Variants in NLE1 observed in about 807,000 individuals in gnomAD.
NLE1 encodes notchless homolog 1.
Under a neutral mutation model 62.8 loss-of-function variants are expected in NLE1, and 37 were observed. The ratio of observed to expected loss-of-function variants is 0.59; its 90% CI spans 0.45 to 0.78. The LOEUF is 0.78. Among genes scored for constraint, NLE1 ranks in the 30% least tolerant of loss-of-function variants. The pLI is 0.00. For synonymous variants in NLE1, 243 were observed against 253.0 expected (o/e 0.96, Z 0.37); for missense variants, 555 against 637.9 (o/e 0.87, Z 1.40).
intron 3 of NLE1, 155 bp downstream of exon 3, chr17:35,139,694 T>G: frequency 9.5e-7 from 1 of 1,055,086 alleles, no homozygotes; most frequent in Non-Finnish European, 1.3e-6. Context: ...CATGCCCTAC[T>G]GAGGAAGTCC....
At chr17:35,141,816 C>G (rs2091945966) in intron 2 of NLE1, among the ~76,000 whole-genome samples, 163 bp downstream of exon 2, 1 of 152,220 alleles carries the variant, frequency 6.6e-6, no homozygotes, top group Non-Finnish European at 1.5e-5. Flanking sequence ...GTGTAAAGCG[C>G]TATGCCACTG....
At chr17:35,134,449 G>T (rs1476630746) in intron 10 of NLE1, among the ~76,000 whole-genome samples, 1 of 151,974 alleles carries the variant, frequency 6.6e-6, no homozygotes, top group East Asian at 1.9e-4. Flanking sequence ...GCCCAGGCTG[G>T]AGTACAGTGG....
intron 3 of NLE1, 159 bp downstream of exon 3, chr17:35,139,690 C>T: frequency 2.0e-6 from 2 of 1,006,020 alleles, no homozygotes; most frequent in South Asian, 1.7e-5. Context: ...GGACCATGCC[C>T]TACTGAGGAA....
At chr17:35,138,629 AGAT>A (rs2091924326) in intron 4 of NLE1, among the ~76,000 whole-genome samples, 1 of 152,126 alleles carries the variant, frequency 6.6e-6, no homozygotes, top group African/African-American at 2.4e-5. Context: ...GTTTTAGTAG[AGAT>A]GGGGTTTCAC....
chr17:35,135,059 T>C (rs1444742043), intron 10 of NLE1, 190 bp downstream of exon 10: 2 of 685,634 alleles, frequency 2.9e-6, no homozygotes, highest in Non-Finnish European at 5.3e-6. Context: ...GAAAGTCATC[T>C]CTAAAAACAA....
rs200971445 is a variant in NLE1 at position 35,129,660 on chromosome 17, T to G, written c.*2777A>C. 1 of 1,613,034 alleles carries G rather than the reference T, an allele frequency of 6.2e-7. No homozygotes were observed. The highest frequency in any genetic ancestry group is 1.1e-5 in the South Asian group (1 of 90,962). On this transcript the variant is annotated 3_prime_UTR_variant, in exon 13 of 13. Coordinates refer to ENST00000442241, the MANE Select transcript of NLE1 (RefSeq NM_018096.5). ...GGGAAGTGGTGCAAGCCCTACAAAG[T>G]GAGCCCTGGGAAAAGAGGGGCCTTG...
At chr17:35,136,910 C>A (rs753248762) in intron 7 of NLE1, 91 bp downstream of exon 7, 4 of 1,227,696 alleles carry the variant, frequency 3.3e-6, no homozygotes, top group Non-Finnish European at 4.6e-6. Context: ...CTGGGAAACA[C>A]TGGACTCGCT....
intron 2 of NLE1, among the ~76,000 whole-genome samples, chr17:35,140,449 A>G (rs1027152910): frequency 6.6e-6 from 1 of 151,656 alleles, no homozygotes; most frequent in Non-Finnish European, 1.5e-5. Flanking sequence ...GGCTGGTCTC[A>G]AGCTCCTGAC....
In NLE1 at chr17:35,132,404, C is replaced by A. The variant is rs538036707; in HGVS notation, c.*33G>T. ...GGAAGGCAGCTGGCAGAGGCCGAGT[C>A]GAGGTGGGGGTCAGAGAGAACTTCG... On this transcript the variant is annotated 3_prime_UTR_variant, in exon 13 of 13. Coordinates refer to ENST00000442241, the MANE Select transcript of NLE1 (RefSeq NM_018096.5). 1.5e-5 allele frequency: 22 copies of A among 1,442,110 alleles called. No individual in the cohort carries two copies. Among genetic ancestry groups the A allele is most frequent in the Admixed American group, 1.1e-4 (4 of 37,824 alleles). The allele number at this position is 1,442,110 out of a possible 1,614,324, so 89.3% of individuals were successfully genotyped here. A position where few individuals can be genotyped will look rare whatever the true frequency, so the allele number is the denominator to read the frequency against.
Position 35,136,369 on chromosome 17 carries a change from T to C in NLE1, c.957A>G (p.Gln319=). 1 of 1,613,236 alleles carries C rather than the reference T, an allele frequency of 6.2e-7. No individual in the cohort carries two copies. The highest frequency in any genetic ancestry group is 8.5e-7 in the Non-Finnish European group (1 of 1,179,248). The change falls in exon 8 of 13, where the codon CAA becomes CAG. Residue 319 remains glutamine (Q), a synonymous_variant. Coordinates refer to ENST00000442241, the MANE Select transcript of NLE1 (RefSeq NM_018096.5). ...CTTCTCCCAATCACTCACAGGATCCTTGGAGGTCTTGGGGATTAACTGAGG... is the reference window on the plus strand; with the variant it reads ...CTTCTCCCAATCACTCACAGGATCCCTGGAGGTCTTGGGGATTAACTGAGG... ...AEASVNPQDL[Q]GSLQELKERA...
intron 4 of NLE1, 89 bp downstream of exon 4, chr17:35,139,146 C>T: frequency 8.8e-7 from 1 of 1,132,732 alleles, no homozygotes; most frequent in South Asian, 1.3e-5. Flanking sequence ...TGAGCTGTGA[C>T]TGCACCACTG....
At position 35,137,208 on chromosome 17, in the gene NLE1, G is replaced by A. The variant is rs1408907001; in HGVS notation, c.636-15C>T. 1 of 1,592,858 alleles carries A rather than the reference G, an allele frequency of 6.3e-7. No homozygotes were observed. The highest frequency in any genetic ancestry group is 1.7e-5 in the Admixed American group (1 of 58,862). On this transcript the variant is annotated splice_polypyrimidine_tract_variant and intron_variant, in intron 6 of 12. Transcript: ENST00000442241. ...ACTCAGGGTTCCTGGAGAGAAGGGAGATGTGACCTCATCTGTGACCTGGCA... is the reference window on the plus strand; with the variant it reads ...ACTCAGGGTTCCTGGAGAGAAGGGAAATGTGACCTCATCTGTGACCTGGCA...
At position 35,142,260 on chromosome 17, in the gene NLE1, G is replaced by T; in HGVS notation, c.16C>A (p.Pro6Thr). The change falls in exon 1 of 13, where the codon CCG becomes ACG. Residue 6 changes from proline (P) to threonine (T), a missense_variant and splice_region_variant. Coordinates refer to ENST00000442241, the MANE Select transcript of NLE1 (RefSeq NM_018096.5). ...CGCCCCCATCCACGCACACCCACCGGCACTGCTGCCGCCATCCTGCGTCCC... is the reference window on the plus strand; with the variant it reads ...CGCCCCCATCCACGCACACCCACCGTCACTGCTGCCGCCATCCTGCGTCCC... MAAAV[P>T]DEAVARDVQR... The T allele has an allele frequency of 6.5e-7, 1 of 1,545,704 alleles. No homozygotes were observed. Among genetic ancestry groups the T allele is most frequent in the Non-Finnish European group, 8.7e-7 (1 of 1,148,190 alleles).
In NLE1 at chr17:35,137,640, T is replaced by C. The variant is rs1314090893; in HGVS notation, c.538A>G (p.Ile180Val). The change falls in exon 6 of 13, where the codon ATT becomes GTT. Residue 180 changes from isoleucine to valine, a missense_variant and splice_region_variant. Physicochemically the swap from Ile to Val is conservative, Grantham distance 29. Transcript: ENST00000442241. The stretch of plus-strand genomic sequence containing the variant: ...CCTGTGCTTGGGTCCCAGAGGAGAA[T>C]CTGAAGGACAGAAGCTCACTGAATA... ...KLASGCKNGQ[I>V]LLWDPSTGKQ... 1 of 1,609,084 alleles carries C rather than the reference T, an allele frequency of 6.2e-7. No homozygotes were observed. The highest frequency in any genetic ancestry group is 1.3e-5 in the African/African-American group (1 of 74,884).
chr17:35,139,940 T>C lies in NLE1; in HGVS notation c.289A>G (p.Ile97Val), dbSNP rs556286736. 5.6e-6 allele frequency: 9 copies of C among 1,614,204 alleles called. No individual in the cohort carries two copies. The highest frequency in any genetic ancestry group is 1.7e-5 in the Admixed American group (1 of 60,022). Residue 97 changes from isoleucine (I) to valine (V), a missense_variant, in exon 3 of 13, where the codon ATC becomes GTC. Coordinates refer to ENST00000442241, the MANE Select transcript of NLE1 (RefSeq NM_018096.5). ...VLDIIYQPQA[I>V]FRVRAVTRCT... ...CGAGTCACAGCCCGGACTCTGAAGA[T>C]AGCCTGTGGCTGGTAGATGATGTCT...
Position 35,136,517 on chromosome 17 carries a change from G to A in NLE1, c.829-20C>T, listed in dbSNP as rs1466743723. 5 of 1,600,556 alleles carry A rather than the reference G, an allele frequency of 3.1e-6. No individual in the cohort carries two copies. The highest frequency in any genetic ancestry group is 3.4e-6 in the Non-Finnish European group (4 of 1,169,842). Reference sequence around the variant, plus strand: ...CACACCCTACGGGAGAGCGAGTCAGGTCAGACACACACACTCCTCCCCACG... The same window carrying A: ...CACACCCTACGGGAGAGCGAGTCAGATCAGACACACACACTCCTCCCCACG... On this transcript the variant is annotated intron_variant, in intron 7 of 12. Coordinates refer to ENST00000442241, the MANE Select transcript of NLE1 (RefSeq NM_018096.5).
At position 35,132,414 on chromosome 17, in the gene NLE1, G is replaced by T. The variant is rs1245438596; in HGVS notation, c.*23C>A. The T allele has an allele frequency of 1.6e-5, 23 of 1,447,030 alleles. No homozygotes were observed. The highest frequency in any genetic ancestry group is 2.0e-5 in the Non-Finnish European group (22 of 1,097,086). The allele number at this position is 1,447,030 out of a possible 1,614,324, so 89.6% of individuals were successfully genotyped here. A position where few individuals can be genotyped will look rare whatever the true frequency, so the allele number is the denominator to read the frequency against. On this transcript the variant is annotated 3_prime_UTR_variant, in exon 13 of 13. Transcript: ENST00000442241. Reference sequence around the variant, plus strand: ...TGGCAGAGGCCGAGTCGAGGTGGGGGTCAGAGAGAACTTCGGGCCGTCTCA... The same window carrying T: ...TGGCAGAGGCCGAGTCGAGGTGGGGTTCAGAGAGAACTTCGGGCCGTCTCA...
In NLE1 at chr17:35,132,442, T is replaced by C; in HGVS notation, c.1453A>G (p.Arg485Gly). The change falls in exon 13 of 13, where the codon AGA becomes GGA. Residue 485 changes from arginine (R) to glycine (G), a missense_variant. Arg to Gly is a moderately radical substitution (Grantham distance 125, BLOSUM62 -2). Coordinates refer to ENST00000442241, the MANE Select transcript of NLE1 (RefSeq NM_018096.5). ...AGAGAGAACTTCGGGCCGTCTCATC[T>C]CCTCCATCTGTGGAGAAGGGAAGGG... ...GKDKCLRIWR[R>G] 7.0e-7 allele frequency: 1 copy of C among 1,422,270 alleles called. No individual in the cohort carries two copies. The highest frequency in any genetic ancestry group is 9.2e-7 in the Non-Finnish European group (1 of 1,084,934). The allele number at this position is 1,422,270 out of a possible 1,614,324, so 88.1% of individuals were successfully genotyped here. A position where few individuals can be genotyped will look rare whatever the true frequency, so the allele number is the denominator to read the frequency against.
In NLE1 at chr17:35,133,462, C is replaced by G. The variant is rs1567743960; in HGVS notation, c.1251G>C (p.Val417=). ...TGTCAGCTGACCACGCAATCTGGTA[C>G]ACGGCAGCCACGTGGCCGCGTAGGG... ...LASLRGHVAA[V]YQIAWSADSR... Residue 417 remains valine, a synonymous_variant, in exon 11 of 13, where the codon GTG becomes GTC. Transcript: ENST00000442241. 1 of 1,613,778 alleles carries G rather than the reference C, an allele frequency of 6.2e-7. No individual in the cohort carries two copies. Among genetic ancestry groups the G allele is most frequent in the Middle Eastern group, 1.6e-4 (1 of 6,062 alleles).
Sources: allele counts gnomAD v4.1 joint callset (sites outside exome capture counted in the v4.1 genomes callset), GRCh38; gene constraint gnomAD v4.1.1; transcripts MANE v1.5; gene names NCBI Gene and HGNC (gene_info 2026-07-23, HGNC 2026-07-21).